The following YME1L1 variants were observed in gnomAD, a reference collection of about 807,000 sequenced individuals.
YME1L1 encodes YME1 like 1 ATPase.
A neutral mutation model predicts 90.4 loss-of-function variants in YME1L1; 39 were observed. The ratio of observed to expected loss-of-function variants is 0.43; its 90% confidence interval spans 0.33 to 0.56. YME1L1 has a LOEUF of 0.56. YME1L1 is among the 20% of genes least tolerant of loss of function. The pLI is 0.03. For synonymous variants in YME1L1, 284 were observed against 287.3 expected (o/e 0.99, Z 0.12); for missense variants, 617 against 868.4 (o/e 0.71, Z 3.64).
At chr10:27,134,311 T>C (rs1332881445) in intron 6 of YME1L1, among the ~76,000 whole-genome samples, 189 bp from the exon 7 acceptor site, 1 of 152,190 alleles carries the variant, frequency 6.6e-6, no homozygotes, top group Non-Finnish European at 1.5e-5. Context: ...AGGCCAAGCA[T>C]GGTGGCTCAT....
intron 4 of YME1L1, among the ~76,000 whole-genome samples, chr10:27,139,824 ACTGT>A (rs1201625124): frequency 6.6e-6 from 1 of 152,140 alleles, no homozygotes; most frequent in Non-Finnish European, 1.5e-5. Flanking sequence ...TACTTCTAAT[ACTGT>A]CTGTATTTTC....
intron 9 of YME1L1, among the ~76,000 whole-genome samples, chr10:27,124,128 G>A (rs868419832): frequency 6.6e-6 from 1 of 152,144 alleles, no homozygotes; most frequent in South Asian, 2.1e-4. Context: ...GAGAGTACAT[G>A]ATATTAAGGA....
At chr10:27,135,177 TTAA>T (rs2057015120) in intron 5 of YME1L1, among the ~76,000 whole-genome samples, 196 bp from the exon 6 acceptor site, 1 of 152,206 alleles carries the variant, frequency 6.6e-6, no homozygotes, top group African/African-American at 2.4e-5. Context: ...CATCAATCAA[TTAA>T]TAATATAAAG....
At chr10:27,143,212 A>T (rs1366728625) in intron 3 of YME1L1, among the ~76,000 whole-genome samples, 1 of 151,780 alleles carries the variant, frequency 6.6e-6, no homozygotes, top group Non-Finnish European at 1.5e-5. Context: ...TCTACTAAAA[A>T]TACAAAATTA....
At chr10:27,124,533 A>T (rs2056898290) in intron 9 of YME1L1, among the ~76,000 whole-genome samples, 1 of 152,192 alleles carries the variant, frequency 6.6e-6, no homozygotes, top group African/African-American at 2.4e-5. Context: ...CATAAAAAAA[A>T]TTTTAAAGAA....
At chr10:27,130,534 C>CT in intron 8 of YME1L1, among the ~76,000 whole-genome samples, 1 of 152,188 alleles carries the variant, frequency 6.6e-6, no homozygotes, top group East Asian at 1.9e-4. Flanking sequence ...TAACCTTTGT[C>CT]CCCCAGATCT....
intron 4 of YME1L1, among the ~76,000 whole-genome samples, chr10:27,139,914 T>G (rs745901893): frequency 6.6e-6 from 1 of 152,240 alleles, no homozygotes; most frequent in Non-Finnish European, 1.5e-5. Flanking sequence ...ATTAAAACTA[T>G]TTCCACCTAT....
intron 7 of YME1L1, 49 bp downstream of exon 7, chr10:27,133,990 G>T: frequency 2.4e-6 from 3 of 1,262,922 alleles, no homozygotes; most frequent in Non-Finnish European, 3.4e-6. Flanking sequence ...AAGGAATCAT[G>T]TATTTAAAGG....
intron 9 of YME1L1, among the ~76,000 whole-genome samples, chr10:27,126,120 T>C (rs1440402906): frequency 6.6e-6 from 1 of 152,110 alleles, no homozygotes; most frequent in East Asian, 1.9e-4. Flanking sequence ...TATTTATATA[T>C]ACATAAAGAG....
In YME1L1 at chr10:27,139,192, C is replaced by CAT. The variant is rs1312636618; in HGVS notation, c.431-2809_431-2808dup. On this transcript the variant is annotated intron_variant, in intron 4 of 18. Coordinates refer to ENST00000376016, the MANE Select transcript of YME1L1 (RefSeq NM_014263.4). The stretch of plus-strand genomic sequence containing the variant: ...ATATACATTCAGACACAGATACATA[C>CAT]ATATATACATATATATATTTTTTAG... Among the ~76,000 whole-genome samples, 193 of 151,852 alleles carry CAT rather than the reference C, an allele frequency of 1.3e-3. 1 individual carries two copies. The highest frequency in any genetic ancestry group is 4.5e-3 in the African/African-American group (187 of 41,286).
intron 7 of YME1L1, among the ~76,000 whole-genome samples, chr10:27,133,148 CATTAT>C (rs1338030328): frequency 6.6e-6 from 1 of 152,208 alleles, no homozygotes; most frequent in Non-Finnish European, 1.5e-5. Context: ...AGGCTTAACA[CATTAT>C]TATACTTTTC....
At chr10:27,130,415 A>G (rs1269472167) in intron 8 of YME1L1, among the ~76,000 whole-genome samples, 1 of 152,208 alleles carries the variant, frequency 6.6e-6, no homozygotes, top group African/African-American at 2.4e-5. Context: ...ATAATCTCCT[A>G]TTTTTAATTC....
intron 9 of YME1L1, among the ~76,000 whole-genome samples, chr10:27,125,377 T>C (rs1213825576): frequency 3.3e-5 from 5 of 149,462 alleles, no homozygotes; most frequent in Non-Finnish European, 7.4e-5. Flanking sequence ...CAAGTACTCT[T>C]TGCAACTGTA....
In YME1L1 at chr10:27,117,743, T is replaced by C. The variant is rs1294937745; in HGVS notation, c.1568-16A>G. On this transcript the variant is annotated splice_polypyrimidine_tract_variant and intron_variant, in intron 14 of 18. Coordinates refer to ENST00000376016, the MANE Select transcript of YME1L1 (RefSeq NM_014263.4). ...CTTTCAGGCCCTAAGATAAATTTAA[T>C]TGAGTAAATACTCCATTAGAAAGGT... 8.7e-6 allele frequency: 14 copies of C among 1,612,606 alleles called. No individual in the cohort carries two copies. The highest frequency in any genetic ancestry group is 3.3e-5 in the Admixed American group (2 of 59,942).
chr10:27,117,858 AAAT>A, intron 14 of YME1L1, 131 bp from the exon 15 acceptor site: 5 of 868,358 alleles, frequency 5.8e-6, no homozygotes, highest in Non-Finnish European at 8.8e-6. Context: ...AGATTCAACC[AAAT>A]AAGGATTAAA....
At chr10:27,144,106 GC>G (rs2057118301) in intron 3 of YME1L1, among the ~76,000 whole-genome samples, 1 of 152,158 alleles carries the variant, frequency 6.6e-6, no homozygotes, top group Non-Finnish European at 1.5e-5. Flanking sequence ...TAATACCTCT[GC>G]CTGCCTAAAC....
chr10:27,110,789 A>C lies in YME1L1; in HGVS notation c.*1188T>G, dbSNP rs1312729762. 1.3e-5 allele frequency: 2 copies of C among 152,160 alleles called. No individual in the cohort carries two copies. Among genetic ancestry groups the C allele is most frequent in the Non-Finnish European group, 2.9e-5 (2 of 68,018 alleles). The allele number at this position is 152,160 out of a possible 1,614,324, so 9.4% of individuals were successfully genotyped here. On this transcript the variant is annotated 3_prime_UTR_variant, in exon 19 of 19. Coordinates refer to ENST00000376016, the MANE Select transcript of YME1L1 (RefSeq NM_014263.4). ...ACAAAATACTGCTTCTCTGAAGTAC[A>C]TTTCATTAGGGAGAGTGACAGTAAT...
intron 8 of YME1L1, 24 bp from the exon 9 acceptor site, chr10:27,126,810 TA>T: frequency 7.3e-7 from 1 of 1,365,754 alleles, no homozygotes; most frequent in Non-Finnish European, 1.0e-6. Context: ...ATTTTCCAAA[TA>T]ACTTTAGATA....
intron 13 of YME1L1, 69 bp from the exon 14 acceptor site, chr10:27,119,518 T>C: frequency 6.6e-7 from 1 of 1,512,920 alleles, no homozygotes; most frequent in Non-Finnish European, 8.8e-7. Context: ...CACAAAGAAC[T>C]CACATTCCAA....
Sources: gnomAD v4.1 joint callset for allele counts (sites outside exome capture counted in the v4.1 genomes callset) on GRCh38, gnomAD v4.1.1 for gene constraint, MANE v1.5 for transcripts, NCBI Gene and HGNC (gene_info 2026-07-23, HGNC 2026-07-21) for gene names.